The following WWOX variants were observed in gnomAD, a reference collection of about 807,000 sequenced individuals.
The protein encoded by WWOX is WW domain-containing oxidoreductase.
WWOX carries 69 observed loss-of-function variants against 46.2 expected under a neutral mutation model. The ratio of observed to expected loss-of-function variants is 1.49; its 90% CI spans 1.23 to 1.82. WWOX has a LOEUF of 1.82. Among genes scored for constraint, WWOX ranks in the 40% most tolerant of loss-of-function variants. WWOX has a pLI of 0.00. For missense variants in WWOX, 919 were observed against 542.6 expected (o/e 1.69, Z -6.89); for synonymous variants, 359 against 202.6 (o/e 1.77, Z -6.56).
rs182561534 is a variant in WWOX, at chr16:78,958,209, T to G, written c.1057-253399T>G. On this transcript the variant is annotated intron_variant, in intron 8 of 8. Transcript: ENST00000566780. ...CCGCCAGACTAGCTGACTTAAACAC[T>G]CAGCTCCAGCTACTTCTGAATATTT... Among the ~76,000 whole-genome samples, 6 of 152,324 alleles carry G rather than the reference T, an allele frequency of 3.9e-5. No homozygotes were observed. The South Asian group carries it at 6.2e-4, about 16-fold the overall frequency.
chr16:78,957,735 C>A (rs1356824611), intron 8 of WWOX, among the ~76,000 whole-genome samples: 12 of 152,176 alleles, frequency 7.9e-5, no homozygotes, highest in Non-Finnish European at 1.6e-4. Context: ...AAGAACTTTT[C>A]TTTGGCAAAC....
intron 5 of WWOX, among the ~76,000 whole-genome samples, chr16:78,357,718 G>A (rs2081327723): frequency 6.6e-6 from 1 of 152,138 alleles, no homozygotes; most frequent in African/African-American, 2.4e-5. Flanking sequence ...CCACATGCCA[G>A]GCACAGTGCT....
At chr16:78,375,224 C>T (rs538154751) in intron 5 of WWOX, among the ~76,000 whole-genome samples, 2 of 152,222 alleles carry the variant, frequency 1.3e-5, no homozygotes, top group African/African-American at 4.8e-5. Context: ...TACTGTTACA[C>T]GTTTACTGCA....
intron 8 of WWOX, among the ~76,000 whole-genome samples, chr16:79,057,657 G>T (rs577936993): frequency 8.5e-5 from 13 of 152,056 alleles, no homozygotes; most frequent in Non-Finnish European, 1.6e-4. Flanking sequence ...CTGATAAATG[G>T]GAACTGGAGG....
At chr16:78,383,916 A>G (rs1029501413) in intron 5 of WWOX, among the ~76,000 whole-genome samples, 3 of 152,020 alleles carry the variant, frequency 2.0e-5, no homozygotes, top group Non-Finnish European at 2.9e-5. Flanking sequence ...CCTTAGAGTT[A>G]TATGTTCTGA....
chr16:78,868,591 A>G (rs181057992), intron 8 of WWOX, among the ~76,000 whole-genome samples: 360 of 152,376 alleles, frequency 2.4e-3, no homozygotes, highest in Admixed American at 5.9e-3. Flanking sequence ...CTGAGCCAAT[A>G]GTTACAGGAA....
At chr16:79,202,536 C>CT (rs1426331391) in intron 8 of WWOX, 1 of 152,268 alleles carries the variant, frequency 6.6e-6, no homozygotes. Flanking sequence ...CCTGTGTGTG[C>CT]TGTGTGTCTT....
chr16:78,923,571 T>C (rs1204323380), intron 8 of WWOX, among the ~76,000 whole-genome samples: 1 of 152,114 alleles, frequency 6.6e-6, no homozygotes, highest in Non-Finnish European at 1.5e-5. Flanking sequence ...TTTCCATTCA[T>C]AGTGTGTTAG....
At chr16:78,627,835 A>G (rs987074990) in intron 8 of WWOX, among the ~76,000 whole-genome samples, 2 of 152,226 alleles carry the variant, frequency 1.3e-5, no homozygotes, top group African/African-American at 4.8e-5. Context: ...GATGATGCCG[A>G]CTTAGACAGT....
chr16:78,444,409 C>T (rs374252786), intron 8 of WWOX, among the ~76,000 whole-genome samples: 165 of 152,176 alleles, frequency 1.1e-3, no homozygotes, highest in African/African-American at 3.6e-3. Context: ...CTAACATGGG[C>T]CCACAGACAT....
chr16:79,170,818 G>C (rs569357296), intron 8 of WWOX, among the ~76,000 whole-genome samples: 5 of 152,222 alleles, frequency 3.3e-5, no homozygotes, highest in Admixed American at 1.3e-4. Context: ...ATTTAAGCAG[G>C]AGATGAGGTC....
chr16:78,941,720 C>G (rs2045855565), intron 8 of WWOX, among the ~76,000 whole-genome samples: 1 of 152,040 alleles, frequency 6.6e-6, no homozygotes, highest in Admixed American at 6.6e-5. Flanking sequence ...TTTCCTTTCC[C>G]AGGTTTGAAA....
chr16:78,670,815 A>G (rs2047445349), intron 8 of WWOX, among the ~76,000 whole-genome samples: 1 of 152,054 alleles, frequency 6.6e-6, no homozygotes, highest in Admixed American at 6.5e-5. Flanking sequence ...CCTACCCAGA[A>G]ATAAGGTCTT....
intron 5 of WWOX, among the ~76,000 whole-genome samples, chr16:78,216,468 C>T (rs1210844029): frequency 6.6e-6 from 1 of 152,118 alleles, no homozygotes; most frequent in Non-Finnish European, 1.5e-5. Context: ...CAGGGTTCTC[C>T]TTGGGCTAAA....
intron 8 of WWOX, among the ~76,000 whole-genome samples, chr16:78,750,628 C>G (rs757159318): frequency 6.6e-6 from 1 of 151,988 alleles, no homozygotes; most frequent in Non-Finnish European, 1.5e-5. Context: ...TTTTTCAATC[C>G]TTTTCTCCTT....
intron 5 of WWOX, among the ~76,000 whole-genome samples, chr16:78,193,526 T>C (rs981937230): frequency 2.8e-4 from 4 of 14,292 alleles, no homozygotes; most frequent in African/African-American, 2.2e-3. Flanking sequence ...CACACATGAA[T>C]GGCACAAGTA....
intron 8 of WWOX, among the ~76,000 whole-genome samples, chr16:78,938,307 G>A (rs2045783960): frequency 1.3e-5 from 2 of 152,302 alleles, no homozygotes; most frequent in South Asian, 2.1e-4. Flanking sequence ...TCCAACTAGG[G>A]TGTGGACCAT....
intron 8 of WWOX, chr16:78,899,105 C>G (rs2044766672): frequency 2.0e-5 from 3 of 152,006 alleles, no homozygotes; most frequent in South Asian, 2.1e-4. Context: ...AATGCACTGG[C>G]TATAGCCTGT....
chr16:78,290,229 A>C (rs895101697), intron 5 of WWOX, among the ~76,000 whole-genome samples: 1 of 148,272 alleles, frequency 6.7e-6, no homozygotes, highest in Admixed American at 6.6e-5. Flanking sequence ...CTTAGAGAGC[A>C]CTCTGCGAGC....
Sources: allele counts gnomAD v4.1 joint callset (sites outside exome capture counted in the v4.1 genomes callset), GRCh38; gene constraint gnomAD v4.1.1; transcripts MANE v1.5; gene names NCBI Gene and HGNC (gene_info 2026-07-23, HGNC 2026-07-21).